Variants in FAM177B observed in about 807,000 individuals in gnomAD.
The protein encoded by FAM177B is family with sequence similarity 177 member B.
In FAM177B, 16 loss-of-function variants were observed where a neutral mutation model predicts 16.1. The observed-to-expected ratio is 0.99, with a 90% CI of 0.67 to 1.51. The LOEUF is 1.51. Ranked by LOEUF, FAM177B falls within the 40% of genes most tolerant of loss-of-function variation. The probability of loss-of-function intolerance (pLI) is 0.00; values close to 1 mark genes in which losing one functional copy is unlikely to be tolerated. For missense variants in FAM177B, 178 were observed against 183.7 expected (o/e 0.97, Z 0.18); for synonymous variants, 56 against 59.9 (o/e 0.93, Z 0.30).
Position 222,746,582 on chromosome 1 carries a change from A to T in FAM177B, c.37A>T (p.Lys13Ter). 6.2e-7 allele frequency: 1 copy of T among 1,610,302 alleles called. No homozygotes were observed. Among genetic ancestry groups the T allele is most frequent in the Non-Finnish European group, 8.5e-7 (1 of 1,177,066 alleles). Reference protein sequence around the residue: ...IDGFQQLDLEKSVPSKKTTPK... With the variant: ...IDGFQQLDLE ...CGGTTTCCAGCAGTTAGACCTAGAG[A>T]AGAGTGTACCTTCCAAAAAGACTAC... The change falls in exon 3 of 6, where the codon AAG becomes TAG. Residue 13 changes from lysine (K) to a stop codon, truncating the protein, a stop_gained. Transcript: ENST00000445590. LOFTEE classifies it high-confidence loss of function.
chr1:222,745,058 T>A (rs1467507934), intron 2 of FAM177B, among the ~76,000 whole-genome samples: 1 of 152,094 alleles, frequency 6.6e-6, no homozygotes, highest in East Asian at 1.9e-4. Context: ...TGGCTTCTTT[T>A]GCTTAGCATA....
intron 5 of FAM177B, 150 bp downstream of exon 5, chr1:222,749,712 G>T: frequency 1.3e-6 from 1 of 750,388 alleles, no homozygotes; most frequent in Non-Finnish European, 2.2e-6. Flanking sequence ...TATTTTTCTA[G>T]TTCTGTTCAC....
intron 2 of FAM177B, among the ~76,000 whole-genome samples, chr1:222,741,252 C>CGGGTTTTAGTATAGAT: frequency 6.6e-6 from 1 of 151,348 alleles, no homozygotes; most frequent in Admixed American, 6.6e-5. Flanking sequence ...TTAGTATAGA[C>CGGGTTTTAGTATAGAT]GGGTTTTCGC....
chr1:222,745,433 G>A (rs1489379728), intron 2 of FAM177B, among the ~76,000 whole-genome samples: 1 of 152,080 alleles, frequency 6.6e-6, no homozygotes, highest in Non-Finnish European at 1.5e-5. Flanking sequence ...GTAACATAGT[G>A]AGACCCCATC....
chr1:222,746,393 T>G, intron 2 of FAM177B, 138 bp from the exon 3 acceptor site: 1 of 489,498 alleles, frequency 2.0e-6, no homozygotes. Context: ...GAACAGTCCT[T>G]TTTTGGATTT....
intron 4 of FAM177B, chr1:222,748,948 C>G: frequency 2.2e-6 from 1 of 461,998 alleles, no homozygotes; most frequent in Non-Finnish European, 4.5e-6. Context: ...ATCCCTGACT[C>G]TAACAATCCC....
chr1:222,745,418 C>T (rs1413107342), intron 2 of FAM177B, among the ~76,000 whole-genome samples: 4 of 151,970 alleles, frequency 2.6e-5, no homozygotes, highest in Admixed American at 6.6e-5. Context: ...TCAAGACCAG[C>T]CTAGGTAACA....
At chr1:222,748,458 A>T (rs1202205071) in intron 4 of FAM177B, among the ~76,000 whole-genome samples, 1 of 152,142 alleles carries the variant, frequency 6.6e-6, no homozygotes, top group East Asian at 1.9e-4. Context: ...GCCAAACAGA[A>T]CTGCAGTGGT....
chr1:222,743,741 C>T (rs762650429), intron 2 of FAM177B, among the ~76,000 whole-genome samples: 3 of 152,096 alleles, frequency 2.0e-5, no homozygotes, highest in Non-Finnish European at 4.4e-5. Flanking sequence ...GGTAGATTTT[C>T]CTGTCCATAT....
At chr1:222,741,911 T>C (rs1240261689) in intron 2 of FAM177B, among the ~76,000 whole-genome samples, 3 of 99,706 alleles carry the variant, frequency 3.0e-5, no homozygotes, top group East Asian at 6.2e-4. Context: ...CCTCCCTCTC[T>C]CTCTCTCTCT....
At chr1:222,748,859 C>T (rs1430091184) in intron 4 of FAM177B, 1 of 349,130 alleles carries the variant, frequency 2.9e-6, no homozygotes, top group Non-Finnish European at 5.8e-6. Flanking sequence ...AGAAGGCTGT[C>T]GGAAATCCTC....
In FAM177B at chr1:222,741,926, CTCTCTTTCTT is replaced by C. The variant is rs1169038706; in HGVS notation, c.-16+3909_-16+3918del. On this transcript the variant is annotated intron_variant, in intron 2 of 5. Transcript: ENST00000445590. ...CCTCCCTCTCTCTCTCTCTCTCTCT[CTCTCTTTCTT>C]TCTTTCTTTCTTTCTTTCCTTCCTT... Among the ~76,000 whole-genome samples the C allele has an allele frequency of 9.8e-3, 1,000 of 102,498 alleles. 20 individuals are homozygous for C. Among genetic ancestry groups the C allele is most frequent in the African/African-American group, 0.037 (935 of 25,042 alleles). 67.2% of individuals were successfully genotyped at this position (102,498 alleles called of 152,430 possible).
Position 222,750,263 on chromosome 1 carries a change from G to T in FAM177B, c.*205G>T. 7.3e-7 allele frequency: 1 copy of T among 1,363,996 alleles called. No individual in the cohort carries two copies. Among genetic ancestry groups the T allele is most frequent in the Non-Finnish European group, 9.4e-7 (1 of 1,063,624 alleles). 84.5% of individuals were successfully genotyped at this position (1,363,996 alleles called of 1,614,324 possible). On this transcript the variant is annotated 3_prime_UTR_variant, in exon 6 of 6. Transcript: ENST00000445590. ...TACAAGCAATAATGAGAGTAATTTTGGACACTTTCTCAGAATAATTTCTAT... is the reference window on the plus strand; with the variant it reads ...TACAAGCAATAATGAGAGTAATTTTTGACACTTTCTCAGAATAATTTCTAT...
intron 3 of FAM177B, 37 bp downstream of exon 3, chr1:222,746,756 G>A: frequency 3.3e-6 from 5 of 1,498,824 alleles, no homozygotes; most frequent in Non-Finnish European, 3.7e-6. Context: ...AACATGGTGG[G>A]GGAGGCGGTG....
At position 222,742,795 on chromosome 1, in the gene FAM177B, C is replaced by CT. The variant is rs575345590; in HGVS notation, c.-15-3735dup. ...TGCTTAATCAATATCCAACCTACGA[C>CT]TATGCGACGATATTTTTTTTTTCTG... On this transcript the variant is annotated intron_variant, in intron 2 of 5. Transcript: ENST00000445590. Among the ~76,000 whole-genome samples, 8 of 134,772 alleles carry CT rather than the reference C, an allele frequency of 5.9e-5. No homozygotes were observed. The South Asian group carries it at 2.0e-3, about 33-fold the overall frequency. 88.4% of individuals were successfully genotyped at this position (134,772 alleles called of 152,430 possible).
At chr1:222,741,924 CTCTCTCTT>C (rs1350551652) in intron 2 of FAM177B, among the ~76,000 whole-genome samples, 24 of 104,336 alleles carry the variant, frequency 2.3e-4, no homozygotes, top group African/African-American at 7.6e-4. Flanking sequence ...CTCTCTCTCT[CTCTCTCTT>C]TCTTTCTTTC....
intron 2 of FAM177B, among the ~76,000 whole-genome samples, chr1:222,742,856 A>G (rs1658614021): frequency 6.6e-6 from 1 of 151,630 alleles, no homozygotes; most frequent in Non-Finnish European, 1.5e-5. Context: ...TTCTTTCGGG[A>G]TATTGTATTT....
intron 4 of FAM177B, 129 bp from the exon 5 acceptor site, chr1:222,749,336 C>T: frequency 1.7e-6 from 1 of 572,722 alleles, no homozygotes; most frequent in Non-Finnish European, 3.1e-6. Context: ...TTTTGTCAGC[C>T]TTGAAGTTAA....
In FAM177B at chr1:222,750,591, A is replaced by T; in HGVS notation, c.*533A>T. On this transcript the variant is annotated 3_prime_UTR_variant, in exon 6 of 6. Transcript: ENST00000445590. Reference sequence around the variant, plus strand: ...TTGCTAATAACTGTGTTACAAGATCATTATCAAGATCTTTAAGAATTAGGT... The same window carrying T: ...TTGCTAATAACTGTGTTACAAGATCTTTATCAAGATCTTTAAGAATTAGGT... The T allele has an allele frequency of 1.1e-6, 1 of 931,456 alleles. No individual in the cohort carries two copies. The highest frequency in any genetic ancestry group is 1.3e-6 in the Non-Finnish European group (1 of 780,820). The allele number at this position is 931,456 out of a possible 1,614,324, so 57.7% of individuals were successfully genotyped here.
Sources: allele counts gnomAD v4.1 joint callset (sites outside exome capture counted in the v4.1 genomes callset), GRCh38; gene constraint gnomAD v4.1.1; transcripts MANE v1.5; gene names NCBI Gene and HGNC (gene_info 2026-07-23, HGNC 2026-07-21).